Variants in NCKAP5 observed in about 807,000 individuals in gnomAD.
NCKAP5 encodes NCK associated protein 5.
A neutral mutation model predicts 167.0 loss-of-function variants in NCKAP5; 92 were observed. The ratio of observed to expected loss-of-function variants is 0.55; its 90% CI spans 0.47 to 0.66. The LOEUF is 0.66. Ranked by LOEUF, NCKAP5 falls within the 30% of genes least tolerant of loss-of-function variation. The probability of loss-of-function intolerance (pLI) is 0.00; values close to 1 mark genes in which losing one functional copy is unlikely to be tolerated. For missense variants in NCKAP5, 2,378 were observed against 2,315.0 expected (o/e 1.03, Z -0.56); for synonymous variants, 891 against 877.4 (o/e 1.02, Z -0.27).
intron 1 of NCKAP5, among the ~76,000 whole-genome samples, chr2:133,563,159 C>A (rs995445901): frequency 9.2e-5 from 14 of 152,106 alleles, no homozygotes; most frequent in Non-Finnish European, 1.9e-4. Flanking sequence ...CCAATTTTTT[C>A]TTTGTATCTA....
intron 2 of NCKAP5, among the ~76,000 whole-genome samples, chr2:133,558,723 A>AAAAAAAAAAAAAAAAAAAAC: frequency 6.8e-6 from 1 of 147,590 alleles, no homozygotes; most frequent in East Asian, 2.0e-4. Context: ...AAAAAAAAAA[A>AAAAAAAAAAAAAAAAAAAAC]AAAGCCCATA....
intron 6 of NCKAP5, among the ~76,000 whole-genome samples, chr2:133,120,545 G>A (rs2082218165): frequency 6.7e-6 from 1 of 148,688 alleles, no homozygotes; most frequent in South Asian, 2.1e-4. Context: ...TGGTATAAAT[G>A]TTATCTGAGA....
chr2:133,341,905 C>T (rs1683612496), intron 3 of NCKAP5, among the ~76,000 whole-genome samples: 1 of 152,160 alleles, frequency 6.6e-6, no homozygotes, highest in Non-Finnish European at 1.5e-5. Context: ...TAATTGTAAG[C>T]CATGACTAAT....
At chr2:132,952,376 CT>C (rs2076214405) in intron 8 of NCKAP5, among the ~76,000 whole-genome samples, 1 of 152,114 alleles carries the variant, frequency 6.6e-6, no homozygotes, top group African/African-American at 2.4e-5. Flanking sequence ...GACATATTGG[CT>C]TTTTCTATCA....
intron 4 of NCKAP5, among the ~76,000 whole-genome samples, chr2:133,288,538 T>C (rs1258020975): frequency 6.6e-6 from 1 of 152,180 alleles, no homozygotes; most frequent in Admixed American, 6.5e-5. Context: ...ACCTCAGAGT[T>C]GCTGCTCTGT....
intron 16 of NCKAP5, among the ~76,000 whole-genome samples, chr2:132,755,009 G>A (rs913962579): frequency 2.6e-5 from 4 of 152,198 alleles, no homozygotes. Flanking sequence ...TGAAGTCAAT[G>A]CCTAATAAAT....
intron 8 of NCKAP5, among the ~76,000 whole-genome samples, chr2:132,886,046 T>C (rs1298926834): frequency 9.9e-5 from 15 of 152,226 alleles, no homozygotes; most frequent in Admixed American, 9.8e-4. Context: ...GCTGTACCTT[T>C]GGTTTTGCTG....
chr2:133,633,433 T>C, the NCKAP5 span, among the ~76,000 whole-genome samples: 3 of 152,152 alleles, frequency 2.0e-5, no homozygotes, highest in Admixed American at 1.3e-4. Context: ...CTCCCTCAAC[T>C]GCAGGGTACC....
intron 6 of NCKAP5, among the ~76,000 whole-genome samples, chr2:133,104,832 A>G (rs2081630059): frequency 6.6e-6 from 1 of 152,210 alleles, no homozygotes; most frequent in South Asian, 2.1e-4. Flanking sequence ...ACATTCAATT[A>G]TTGAAGTGTG....
At chr2:132,991,218 T>G (rs568450614) in intron 7 of NCKAP5, among the ~76,000 whole-genome samples, 23 of 152,318 alleles carry the variant, frequency 1.5e-4, no homozygotes, top group Non-Finnish European at 4.4e-5. Flanking sequence ...CAGCACCTCC[T>G]GCACAAAATT....
At chr2:133,188,854 C>T (rs1162875931) in intron 5 of NCKAP5, among the ~76,000 whole-genome samples, 2 of 152,004 alleles carry the variant, frequency 1.3e-5, no homozygotes, top group Non-Finnish European at 1.5e-5. Context: ...AATTGACACC[C>T]TAACATCACA....
At chr2:133,258,843 G>A (rs1401797346) in intron 4 of NCKAP5, among the ~76,000 whole-genome samples, 2 of 151,990 alleles carry the variant, frequency 1.3e-5, no homozygotes, top group Non-Finnish European at 2.9e-5. Flanking sequence ...GAGAACTTCT[G>A]TAGGAGAGAA....
At chr2:132,835,525 A>G (rs921977766) in intron 11 of NCKAP5, among the ~76,000 whole-genome samples, 2 of 151,528 alleles carry the variant, frequency 1.3e-5, no homozygotes, top group Non-Finnish European at 1.5e-5. Context: ...ACCATTTTGT[A>G]ATTTCTAATG....
chr2:132,985,189 C>T (rs1405976092), intron 7 of NCKAP5, among the ~76,000 whole-genome samples: 1 of 151,972 alleles, frequency 6.6e-6, no homozygotes, highest in African/African-American at 2.4e-5. Flanking sequence ...GTTAAGAACT[C>T]GGTTCAGGGT....
At chr2:133,462,398 G>A (rs1182297329) in intron 3 of NCKAP5, among the ~76,000 whole-genome samples, 1 of 152,124 alleles carries the variant, frequency 6.6e-6, no homozygotes, top group African/African-American at 2.4e-5. Flanking sequence ...TTGTTTTTGT[G>A]CCGGCTTCGC....
intron 5 of NCKAP5, among the ~76,000 whole-genome samples, chr2:133,211,296 T>A (rs1298267718): frequency 6.6e-6 from 1 of 152,162 alleles, no homozygotes; most frequent in Non-Finnish European, 1.5e-5. Flanking sequence ...AGTAGTATGA[T>A]CATGGCTCAC....
chr2:132,978,634 G>A (rs1482968859), intron 7 of NCKAP5, among the ~76,000 whole-genome samples: 2 of 152,182 alleles, frequency 1.3e-5, no homozygotes, highest in East Asian at 3.8e-4. Context: ...ACCCGCCTGT[G>A]TCACACTACA....
chr2:133,671,235 A>G, the NCKAP5 span, among the ~76,000 whole-genome samples: 7 of 151,518 alleles, frequency 4.6e-5, no homozygotes, highest in South Asian at 2.1e-4. Context: ...AAAAAAAAAA[A>G]AAAAGAAAGA....
At chr2:132,704,179 A>C (rs913065695) in intron 19 of NCKAP5, among the ~76,000 whole-genome samples, 3 of 152,110 alleles carry the variant, frequency 2.0e-5, no homozygotes, top group African/African-American at 7.2e-5. Flanking sequence ...CTTTCTTTGG[A>C]ACCCTTTCAA....
Sources: gnomAD v4.1 joint callset for allele counts (sites outside exome capture counted in the v4.1 genomes callset) on GRCh38, gnomAD v4.1.1 for gene constraint, MANE v1.5 for transcripts, NCBI Gene and HGNC (gene_info 2026-07-23, HGNC 2026-07-21) for gene names.